The following PRKX variants were observed in gnomAD, a reference collection of about 807,000 sequenced individuals.
PRKX encodes cAMP-dependent protein kinase catalytic subunit PRKX.
Under a neutral mutation model 22.0 loss-of-function variants are expected in PRKX, and 12 were observed. The observed-to-expected ratio is 0.54, with a 90% CI of 0.35 to 0.88. The LOEUF (loss-of-function observed/expected upper bound fraction) is 0.88, where lower values mean the gene tolerates loss of function less well. Ranked by LOEUF, PRKX falls within the 40% of genes least tolerant of loss-of-function variation. The probability of loss-of-function intolerance (pLI) is 0.01; values close to 1 mark genes in which losing one functional copy is unlikely to be tolerated. For synonymous variants in PRKX, 134 were observed against 137.7 expected, an observed-to-expected ratio of 0.97 and a Z score of 0.19; for missense variants, 217 against 308.0, an observed-to-expected ratio of 0.70 and a Z score of 2.21.
At chrX:3,639,800 G>A (rs570897385) in intron 4 of PRKX, among the ~76,000 whole-genome samples, 1 of 110,833 alleles carries the variant, frequency 9.0e-6, no homozygotes, top group East Asian at 2.9e-4. Flanking sequence ...GGGAATTAAC[G>A]GATTCACTTT....
At position 3,681,230 on chromosome X, in the gene PRKX, A is replaced by G. The variant is rs1928065678; in HGVS notation, c.167-6464T>C. On this transcript the variant is annotated intron_variant, in intron 1 of 8. Coordinates refer to ENST00000262848, the MANE Select transcript of PRKX (RefSeq NM_005044.5). ...GATCCCTATCTCTACGAAAAAATAC[A>G]AAAATTAGCCAGGCATGGTTGTGTG... 2.7e-5 allele frequency among the ~76,000 whole-genome samples: 3 copies of G among 110,127 alleles called. No individual in the cohort carries two copies. The Admixed American group carries it at 2.9e-4, about 11-fold the overall frequency.
chrX:3,669,024 C>T (rs866608514), intron 2 of PRKX, among the ~76,000 whole-genome samples: 2 of 112,427 alleles, frequency 1.8e-5, no homozygotes, highest in Non-Finnish European at 3.8e-5. Flanking sequence ...CAGCACCCTA[C>T]AGTGCACAGG....
At chrX:3,696,580 C>T (rs1221113649) in intron 1 of PRKX, among the ~76,000 whole-genome samples, 8 of 111,669 alleles carry the variant, frequency 7.2e-5, no homozygotes, top group East Asian at 2.8e-4. Context: ...CATGGGTACT[C>T]GAAGCGCGGG....
Position 3,621,284 on chromosome X carries a change from C to T in PRKX, c.848G>A (p.Arg283Lys). 1 of 1,208,300 alleles carries T rather than the reference C, an allele frequency of 8.3e-7. No individual in the cohort carries two copies. Among genetic ancestry groups the T allele is most frequent in the Non-Finnish European group, 1.1e-6 (1 of 893,776 alleles). Residue 283 changes from arginine (R) to lysine (K), a missense_variant, in exon 6 of 9, where the codon AGA becomes AAA. Arg to Lys is a conservative substitution (Grantham distance 26). Coordinates refer to ENST00000262848, the MANE Select transcript of PRKX (RefSeq NM_005044.5). ...DLIKKLLVVD[R>K]TRRLGNMKNG... The stretch of plus-strand genomic sequence containing the variant: ...CTTCATGTTTCCTAATCGCCTTGTT[C>T]TGTCAACCACGAGCAGTTTCTTAAT...
At chrX:3,624,030 A>G (rs1291976180) in intron 5 of PRKX, among the ~76,000 whole-genome samples, 1 of 111,795 alleles carries the variant, frequency 8.9e-6, no homozygotes, top group African/African-American at 3.3e-5. Flanking sequence ...AAATTCTAGC[A>G]TCATGGACAA....
intron 1 of PRKX, among the ~76,000 whole-genome samples, chrX:3,693,194 A>G (rs1056530744): frequency 1.8e-5 from 2 of 111,654 alleles, no homozygotes; most frequent in Non-Finnish European, 3.8e-5. Context: ...GTGACCTCAC[A>G]TGAGTTTGTT....
At chrX:3,709,193 A>AAG (rs1212583837) in intron 1 of PRKX, among the ~76,000 whole-genome samples, 4 of 107,432 alleles carry the variant, frequency 3.7e-5, no homozygotes, top group African/African-American at 1.0e-4. Context: ...CAAAAAAAAA[A>AAG]AAAAAAAAAA....
intron 3 of PRKX, 142 bp from the exon 4 acceptor site, chrX:3,642,113 G>T: frequency 1.4e-6 from 1 of 714,949 alleles, no homozygotes; most frequent in Non-Finnish European, 2.0e-6. Context: ...ATTTTAATGT[G>T]TAAAGACAGT....
intron 4 of PRKX, among the ~76,000 whole-genome samples, chrX:3,630,934 G>A (rs971445467): frequency 8.9e-6 from 1 of 111,905 alleles, no homozygotes; most frequent in Admixed American, 9.5e-5. Flanking sequence ...TTACATGTCC[G>A]TGGCACAAGT....
chrX:3,700,815 G>C (rs757994024), intron 1 of PRKX, among the ~76,000 whole-genome samples: 253 of 110,681 alleles, frequency 2.3e-3, no homozygotes, highest in African/African-American at 7.5e-3. Context: ...CTAGAGGCTA[G>C]TCTCGAACCC....
chrX:3,702,560 C>T (rs1311465525), intron 1 of PRKX, among the ~76,000 whole-genome samples: 1 of 105,036 alleles, frequency 9.5e-6, no homozygotes, highest in Non-Finnish European at 2.0e-5. Flanking sequence ...TGGACTTGTG[C>T]AATTTAACAG....
chrX:3,693,157 T>C (rs898043323), intron 1 of PRKX, among the ~76,000 whole-genome samples: 4 of 110,850 alleles, frequency 3.6e-5, no homozygotes, highest in Middle Eastern at 4.2e-3. Flanking sequence ...GCAGGAAGCA[T>C]TAATGACAGT....
intron 3 of PRKX, among the ~76,000 whole-genome samples, chrX:3,644,044 G>A (rs1297492335): frequency 9.1e-6 from 1 of 109,605 alleles, no homozygotes. Context: ...GTAAGCCCTT[G>A]GGATAACAAC....
chrX:3,699,543 G>A (rs931989243), intron 1 of PRKX, among the ~76,000 whole-genome samples: 2 of 110,175 alleles, frequency 1.8e-5, no homozygotes, highest in African/African-American at 6.6e-5. Context: ...TAGTAGAGAC[G>A]GGGTTTCACC....
At chrX:3,660,500 C>G (rs1045431965) in intron 2 of PRKX, among the ~76,000 whole-genome samples, 4 of 111,155 alleles carry the variant, frequency 3.6e-5, no homozygotes, top group Non-Finnish European at 7.5e-5. Context: ...CAAACACACT[C>G]TCTCTCTCTC....
chrX:3,674,856 A>T, intron 1 of PRKX, 90 bp from the exon 2 acceptor site: 1 of 1,056,051 alleles, frequency 9.5e-7, no homozygotes, highest in East Asian at 3.0e-5. Flanking sequence ...GGGCTGCACC[A>T]GGACGGCAAA....
rs1481543331 is a variant in PRKX, at chrX:3,713,549, G to T, written c.-296C>A. The T allele has an allele frequency of 1.6e-5, 3 of 193,254 alleles. No homozygotes were observed. The highest frequency in any genetic ancestry group is 2.9e-5 in the Non-Finnish European group (3 of 105,057). The allele number at this position is 193,254 out of a possible 1,213,427, so 15.9% of individuals were successfully genotyped here. On this transcript the variant is annotated 5_prime_UTR_variant, in exon 1 of 9. Transcript: ENST00000262848. ...AGGCGGGGGCCGCGGCCCGGGCTGG[G>T]GGGGGCGAGGCGGGGGCCCTGCGCA...
At chrX:3,701,169 C>T (rs937895220) in intron 1 of PRKX, among the ~76,000 whole-genome samples, 3 of 109,824 alleles carry the variant, frequency 2.7e-5, no homozygotes, top group South Asian at 7.8e-4. Flanking sequence ...AGTGCAGTGG[C>T]GCCATCATAG....
chrX:3,684,232 A>G (rs1260041292), intron 1 of PRKX, among the ~76,000 whole-genome samples: 1 of 112,359 alleles, frequency 8.9e-6, no homozygotes, highest in Non-Finnish European at 1.9e-5. Flanking sequence ...AGCCTGGGCA[A>G]CAGAGCGAGA....
Sources: allele counts gnomAD v4.1 joint callset (sites outside exome capture counted in the v4.1 genomes callset), GRCh38; gene constraint gnomAD v4.1.1; transcripts MANE v1.5; gene names NCBI Gene and HGNC (gene_info 2026-07-23, HGNC 2026-07-21).